LYPD8: variants seen among roughly 807,000 people sequenced by gnomAD.
LYPD8 encodes the protein ly6/PLAUR domain-containing protein 8.
In LYPD8, 8 loss-of-function variants were observed where a neutral mutation model predicts 1.7. The ratio of observed to expected loss-of-function variants is 4.58; its 90% CI spans 2.69 to 8.27. The LOEUF is 8.27. Among genes scored for constraint, LYPD8 ranks in the 30% most tolerant of loss-of-function variants. The pLI, the probability that LYPD8 is intolerant of heterozygous loss-of-function variation, is 0.00. For missense variants in LYPD8, 112 were observed against 102.3 expected, an observed-to-expected ratio of 1.09 and a Z score of -0.41; for synonymous variants, 50 against 43.6, an observed-to-expected ratio of 1.15 and a Z score of -0.58.
chr1:248,752,734 TCACACACACCACACACCC>T (rs1420689635), intron 2 of LYPD8, among the ~76,000 whole-genome samples: 2 of 23,264 alleles, frequency 8.6e-5, no homozygotes, highest in African/African-American at 1.7e-4. Flanking sequence ...CACACACACA[TCACACACACCACACACCC>T]CACACACACC....
chr1:248,744,943 C>A, intron 6 of LYPD8, among the ~76,000 whole-genome samples, 199 bp downstream of exon 6: 1 of 152,294 alleles, frequency 6.6e-6, no homozygotes, highest in East Asian at 1.9e-4. Context: ...CCAGGAGAAA[C>A]AGCTCTGCTC....
chr1:248,746,592 C>T (rs948492097), intron 5 of LYPD8, among the ~76,000 whole-genome samples: 13 of 149,980 alleles, frequency 8.7e-5, no homozygotes, highest in Admixed American at 2.0e-4. Flanking sequence ...ATCGCCCGCA[C>T]GGCCAGCACC....
At position 248,748,469 on chromosome 1, in the gene LYPD8, C is replaced by A; in HGVS notation, c.173-16G>T. The A allele has an allele frequency of 2.5e-6, 1 of 401,552 alleles. No homozygotes were observed. The highest frequency in any genetic ancestry group is 4.4e-6 in the Non-Finnish European group (1 of 228,198). The allele number at this position is 401,552 out of a possible 1,614,324, so 24.9% of individuals were successfully genotyped here. A position where few individuals can be genotyped will look rare whatever the true frequency, so the allele number is the denominator to read the frequency against. The stretch of plus-strand genomic sequence containing the variant: ...ACTGGTGTCTCTACACAAAGACAAA[C>A]ACAGACTGTCAGCCCCTGGTAAGGA... On this transcript the variant is annotated splice_polypyrimidine_tract_variant and intron_variant, in intron 4 of 6. Transcript: ENST00000590317.
Position 248,751,994 on chromosome 1 carries a change from A to G in LYPD8, c.-49-864T>C, listed in dbSNP as rs976714384. ...TCGAAATTAGAACTTCCAGAATTCC[A>G]ACTTGCTTGTGTATCAAAGCAGGAG... is the stretch of plus-strand genomic sequence containing the variant. On this transcript the variant is annotated intron_variant, in intron 2 of 6. Coordinates refer to ENST00000590317, the MANE Select transcript of LYPD8 (RefSeq NM_001085474.2). 9.9e-5 allele frequency among the ~76,000 whole-genome samples: 15 copies of G among 152,268 alleles called. No homozygotes were observed. In the South Asian group the frequency reaches 3.1e-3, roughly 32 times the overall value.
chr1:248,752,839 CCA>C (rs1182804290), intron 2 of LYPD8, among the ~76,000 whole-genome samples: 86 of 96,638 alleles, frequency 8.9e-4, no homozygotes, highest in African/African-American at 2.5e-3. Context: ...ACACCACACC[CCA>C]CACACACACA....
At chr1:248,751,492 A>T (rs1171314623) in intron 2 of LYPD8, among the ~76,000 whole-genome samples, 1 of 152,126 alleles carries the variant, frequency 6.6e-6, no homozygotes, top group Non-Finnish European at 1.5e-5. Flanking sequence ...CCCCCAGAGC[A>T]CAATGTCCCT....
chr1:248,753,625 CACACA>C (rs1180991882), intron 2 of LYPD8, among the ~76,000 whole-genome samples: 5 of 142,222 alleles, frequency 3.5e-5, no homozygotes, highest in Admixed American at 2.8e-4. Context: ...CCACACAACA[CACACA>C]ACACACCACA....
intron 6 of LYPD8, among the ~76,000 whole-genome samples, chr1:248,740,500 T>C (rs1432871043): frequency 1.3e-5 from 2 of 152,264 alleles, no homozygotes; most frequent in African/African-American, 4.8e-5. Context: ...CTACCTGTTA[T>C]TGAGCACTTA....
intron 6 of LYPD8, among the ~76,000 whole-genome samples, chr1:248,742,963 T>C (rs373670309): frequency 3.5e-4 from 35 of 100,806 alleles, no homozygotes; most frequent in African/African-American, 1.4e-3. Context: ...GGGGAGATTA[T>C]GCTCTGGTGG....
At chr1:248,751,198 A>G (rs1350741381) in intron 2 of LYPD8, 68 bp from the exon 3 acceptor site, 8 of 397,246 alleles carry the variant, frequency 2.0e-5, no homozygotes, top group Non-Finnish European at 3.1e-5. Flanking sequence ...GGGGCTTTTA[A>G]TCGCACTGTA....
chr1:248,753,876 G>A (rs1320408130), intron 2 of LYPD8, among the ~76,000 whole-genome samples: 14,407 of 124,316 alleles, frequency 0.12, 951 homozygotes, highest in East Asian at 0.29. Flanking sequence ...CACACCCCAT[G>A]CATCACACAC....
chr1:248,751,723 G>T (rs1662805247), intron 2 of LYPD8, among the ~76,000 whole-genome samples: 1 of 152,132 alleles, frequency 6.6e-6, no homozygotes, highest in Non-Finnish European at 1.5e-5. Flanking sequence ...TCAAAGTCAA[G>T]GTCTTACTTC....
At chr1:248,740,795 T>C (rs113793345) in intron 6 of LYPD8, among the ~76,000 whole-genome samples, 263 of 135,412 alleles carry the variant, frequency 1.9e-3, no homozygotes, top group African/African-American at 9.5e-3. Flanking sequence ...AGTTCAAGGC[T>C]GGCTCTAGGA....
intron 4 of LYPD8, among the ~76,000 whole-genome samples, chr1:248,750,280 T>C (rs945992988): frequency 0.17 from 20,699 of 119,280 alleles, 1,485 homozygotes; most frequent in East Asian, 0.24. Flanking sequence ...CGAATGAAGC[T>C]TTGAGGTCAC....
intron 6 of LYPD8, 158 bp from the exon 7 acceptor site, chr1:248,740,007 G>T (rs1409706955): frequency 2.3e-6 from 1 of 431,530 alleles, no homozygotes; most frequent in Non-Finnish European, 3.1e-6. Context: ...TGCGTGTTCA[G>T]AGTCAAGAAC....
intron 2 of LYPD8, among the ~76,000 whole-genome samples, chr1:248,753,229 CA>C (rs1662855566): frequency 8.0e-6 from 1 of 124,262 alleles, no homozygotes; most frequent in Non-Finnish European, 1.7e-5. Flanking sequence ...ACACCACACA[CA>C]CACACCACAC....
At chr1:248,749,291 A>G (rs1047786124) in intron 4 of LYPD8, among the ~76,000 whole-genome samples, 4 of 152,222 alleles carry the variant, frequency 2.6e-5, no homozygotes, top group African/African-American at 9.7e-5. Flanking sequence ...TCGCACATAG[A>G]CCACATCATG....
In LYPD8 at chr1:248,750,687, A is replaced by C. The variant is rs1662786080; in HGVS notation, c.53-44T>G. 6 of 398,582 alleles carry C rather than the reference A, an allele frequency of 1.5e-5. No homozygotes were observed. The South Asian group carries it at 7.6e-4, about 51-fold the overall frequency. The allele number at this position is 398,582 out of a possible 1,614,324, so 24.7% of individuals were successfully genotyped here. ...CAACACCAGTCAACATTCAGTAGACATTTATAGAGCATACTCTACTCTAGG... is the reference window on the plus strand; with the variant it reads ...CAACACCAGTCAACATTCAGTAGACCTTTATAGAGCATACTCTACTCTAGG... On this transcript the variant is annotated intron_variant, in intron 3 of 6. Transcript: ENST00000590317.
chr1:248,753,486 C>T (rs1406635783), intron 2 of LYPD8, among the ~76,000 whole-genome samples: 3 of 119,684 alleles, frequency 2.5e-5, no homozygotes, highest in African/African-American at 6.5e-5. Context: ...ATCACACACA[C>T]ATCACACAAC....
Sources: allele counts gnomAD v4.1 joint callset (sites outside exome capture counted in the v4.1 genomes callset), GRCh38; gene constraint gnomAD v4.1.1; transcripts MANE v1.5; gene names NCBI Gene and HGNC (gene_info 2026-07-23, HGNC 2026-07-21).